Variants in ZNF254 observed in about 807,000 individuals in gnomAD.
The protein encoded by ZNF254 is CTD-2017D11.1.
In ZNF254, 10 loss-of-function variants were observed where a neutral mutation model predicts 12.4. That is an observed-to-expected ratio of 0.80 (90% CI 0.50 to 1.36). ZNF254 has a LOEUF of 1.36. Ranked by LOEUF, ZNF254 falls within the 40% of genes most tolerant of loss-of-function variation. The probability of loss-of-function intolerance (pLI) is 0.00; values close to 1 mark genes in which losing one functional copy is unlikely to be tolerated. For missense variants in ZNF254, 996 were observed against 763.9 expected, an observed-to-expected ratio of 1.30 and a Z score of -3.58; for synonymous variants, 305 against 253.4, an observed-to-expected ratio of 1.20 and a Z score of -1.93.
chr19:24,049,214 A>ATATATATTTTTTT (rs1160333151), intron 2 of ZNF254, among the ~76,000 whole-genome samples: 15 of 40,848 alleles, frequency 3.7e-4, no homozygotes, highest in South Asian at 1.7e-3. Flanking sequence ...ATATATATAT[A>ATATATATTTTTTT]TTTTTTTTTT....
At chr19:24,074,153 C>T (rs181490296) in intron 2 of ZNF254, among the ~76,000 whole-genome samples, 10 of 152,354 alleles carry the variant, frequency 6.6e-5, no homozygotes, top group African/African-American at 1.2e-4. Flanking sequence ...GGTGATGTAA[C>T]TCTCTTTGCT....
intron 1 of ZNF254, 63 bp downstream of exon 1, chr19:24,087,400 G>A (rs2145632213): frequency 1.2e-6 from 2 of 1,607,418 alleles, no homozygotes; most frequent in Non-Finnish European, 1.7e-6. Context: ...GGTGGGAAGC[G>A]GCTGTGGCGG....
intron 1 of ZNF254, among the ~76,000 whole-genome samples, chr19:24,097,325 AG>A (rs1472938204): frequency 1.3e-5 from 2 of 152,224 alleles, no homozygotes; most frequent in African/African-American, 2.4e-5. Flanking sequence ...AAAGATTAAA[AG>A]ATACTGAGTA....
Position 24,105,986 on chromosome 19 carries a change from AG to A in ZNF254, c.78del (p.Glu26AspfsTer16). ...RDVAIEFSLE[E>X]WQHLDIAQQN... ...GTGGCCATAGAATTCTCTCTGGAGG[AG>A]TGGCAACACCTGGACATTGCACAGC... On this transcript the variant is annotated frameshift_variant, in exon 2 of 4. Coordinates refer to ENST00000357002, the MANE Select transcript of ZNF254 (RefSeq NM_203282.4). LOFTEE classifies it high-confidence loss of function. 1 of 1,600,248 alleles carries A rather than the reference AG, an allele frequency of 6.2e-7. No individual in the cohort carries two copies. Among genetic ancestry groups the A allele is most frequent in the Non-Finnish European group, 8.5e-7 (1 of 1,171,662 alleles).
At chr19:24,061,956 G>A (rs1237870144) in intron 2 of ZNF254, among the ~76,000 whole-genome samples, 2 of 151,952 alleles carry the variant, frequency 1.3e-5, no homozygotes, top group Non-Finnish European at 2.9e-5. Context: ...ATAGTGGCAC[G>A]TGCCTGTAAT....
chr19:24,081,410 G>A (rs1270764750), intron 2 of ZNF254, among the ~76,000 whole-genome samples: 1 of 152,008 alleles, frequency 6.6e-6, no homozygotes, highest in Admixed American at 6.6e-5. Flanking sequence ...TGGATGACAG[G>A]GGACACTTAT....
chr19:24,125,953 G>C (rs1354841250), intron 3 of ZNF254, among the ~76,000 whole-genome samples: 1 of 152,136 alleles, frequency 6.6e-6, no homozygotes, highest in Non-Finnish European at 1.5e-5. Flanking sequence ...TGGTATAGTG[G>C]GAAACAGGAA....
chr19:24,106,523 C>T (rs1973349811), intron 2 of ZNF254, 25 bp from the exon 3 acceptor site: 2 of 1,544,990 alleles, frequency 1.3e-6, no homozygotes, highest in Non-Finnish European at 1.8e-6. Context: ...AAGCAAGATT[C>T]ATTTAGTTAT....
intron 1 of ZNF254, among the ~76,000 whole-genome samples, chr19:24,042,367 C>T (rs1182464081): frequency 6.6e-6 from 1 of 152,218 alleles, no homozygotes; most frequent in African/African-American, 2.4e-5. Flanking sequence ...TAAAAGCAGG[C>T]TGCCCGAGCC....
chr19:24,064,108 A>T (rs1399701583), intron 2 of ZNF254, among the ~76,000 whole-genome samples: 1 of 152,194 alleles, frequency 6.6e-6, no homozygotes, highest in East Asian at 1.9e-4. Flanking sequence ...TCCCACCTAG[A>T]TGATGTGACT....
intron 2 of ZNF254, among the ~76,000 whole-genome samples, chr19:24,059,705 G>A (rs62114822): frequency 0.15 from 22,552 of 152,050 alleles, 1,922 homozygotes; most frequent in Middle Eastern, 0.23. Context: ...GTATGATGAT[G>A]TTTCTTTTCT....
At chr19:24,038,137 T>G (rs978185991) in intron 1 of ZNF254, among the ~76,000 whole-genome samples, 4 of 152,232 alleles carry the variant, frequency 2.6e-5, no homozygotes, top group African/African-American at 9.6e-5. Flanking sequence ...TATTTTTGAC[T>G]CAGGACTGTT....
At chr19:24,056,073 A>G (rs1486771703) in intron 2 of ZNF254, among the ~76,000 whole-genome samples, 1 of 152,060 alleles carries the variant, frequency 6.6e-6, no homozygotes, top group Admixed American at 6.6e-5. Flanking sequence ...ATGTGATTCT[A>G]TTTTTCTGCA....
chr19:24,061,999 C>T (rs568049783), intron 2 of ZNF254, among the ~76,000 whole-genome samples: 41 of 150,380 alleles, frequency 2.7e-4, no homozygotes, highest in African/African-American at 7.1e-4. Flanking sequence ...GCAGGAGAAT[C>T]GCTTGAACCC....
At chr19:24,122,608 C>A (rs373927621) in intron 3 of ZNF254, among the ~76,000 whole-genome samples, 2 of 151,496 alleles carry the variant, frequency 1.3e-5, no homozygotes, top group African/African-American at 4.9e-5. Context: ...ATATTTCATA[C>A]AATCTGTCGT....
At chr19:24,058,016 T>C (rs547260184) in intron 2 of ZNF254, among the ~76,000 whole-genome samples, 18 of 152,326 alleles carry the variant, frequency 1.2e-4, no homozygotes, top group African/African-American at 4.3e-4. Flanking sequence ...TGTGCCACAC[T>C]GCTGGACCCA....
intron 3 of ZNF254, among the ~76,000 whole-genome samples, chr19:24,111,222 G>A (rs1234327383): frequency 2.0e-5 from 3 of 150,862 alleles, no homozygotes; most frequent in African/African-American, 7.3e-5. Flanking sequence ...TTGTTCTTGC[G>A]ATAGTTTACT....
chr19:24,035,539 G>C (rs890243152), intron 1 of ZNF254, among the ~76,000 whole-genome samples: 12 of 152,154 alleles, frequency 7.9e-5, no homozygotes, highest in African/African-American at 2.9e-4. Flanking sequence ...AGCCGGGCTT[G>C]GTGGCACGCT....
rs760449370 is a variant in ZNF254 at position 24,127,989 on chromosome 19, C to T, written c.*9C>T. The T allele has an allele frequency of 2.0e-6, 3 of 1,528,032 alleles. No individual in the cohort carries two copies. Among genetic ancestry groups the T allele is most frequent in the African/African-American group, 2.8e-5 (2 of 72,052 alleles). The allele number at this position is 1,528,032 out of a possible 1,614,324, so 94.7% of individuals were successfully genotyped here. On this transcript the variant is annotated 3_prime_UTR_variant, in exon 4 of 4. Transcript: ENST00000357002. The stretch of plus-strand genomic sequence containing the variant: ...AAATCTTACAAGTATGAATAATGTG[C>T]CAAAGCCTAAGAAAACCCTCAATTC...
Sources: gnomAD v4.1 joint callset for allele counts (sites outside exome capture counted in the v4.1 genomes callset) on GRCh38, gnomAD v4.1.1 for gene constraint, MANE v1.5 for transcripts, NCBI Gene and HGNC (gene_info 2026-07-23, HGNC 2026-07-21) for gene names.